THEMIS: variants seen among roughly 807,000 people sequenced by gnomAD.
THEMIS encodes the protein protein THEMIS.
A neutral mutation model predicts 52.6 loss-of-function variants in THEMIS; 37 were observed. That is an observed-to-expected ratio of 0.70 (90% CI 0.54 to 0.93). The LOEUF (loss-of-function observed/expected upper bound fraction) is 0.93, where lower values mean the gene tolerates loss of function less well. Ranked by LOEUF, THEMIS falls within the 40% of genes least tolerant of loss-of-function variation. The probability of loss-of-function intolerance (pLI) is 0.00; values close to 1 mark genes in which losing one functional copy is unlikely to be tolerated. For missense variants in THEMIS, 808 were observed against 763.1 expected, an observed-to-expected ratio of 1.06 and a Z score of -0.69; for synonymous variants, 292 against 272.7, an observed-to-expected ratio of 1.07 and a Z score of -0.70.
chr6:127,817,053 A>G (rs1778159517), intron 3 of THEMIS, among the ~76,000 whole-genome samples: 1 of 152,064 alleles, frequency 6.6e-6, no homozygotes, highest in Non-Finnish European at 1.5e-5. Flanking sequence ...CTATTTCTCT[A>G]TTTCATGTCA....
chr6:127,703,035 G>GGTTTTTTTTTTTTTTTTTTTTTT, the THEMIS span, among the ~76,000 whole-genome samples: 17 of 82,384 alleles, frequency 2.1e-4, 3 homozygotes, highest in Non-Finnish European at 2.9e-4. Context: ...TTTAGAATGA[G>GGTTTTTTTTTTTTTTTTTTTTTT]TTTTTTTTTT....
chr6:127,764,164 A>G (rs1776115771), intron 4 of THEMIS, among the ~76,000 whole-genome samples: 1 of 151,980 alleles, frequency 6.6e-6, no homozygotes, highest in African/African-American at 2.4e-5. Flanking sequence ...TTTACTAGGT[A>G]CCTGGCATTG....
chr6:127,865,988 A>G (rs1295129579), intron 1 of THEMIS, among the ~76,000 whole-genome samples: 1 of 152,116 alleles, frequency 6.6e-6, no homozygotes, highest in Non-Finnish European at 1.5e-5. Flanking sequence ...AAGGTTAATC[A>G]TTTGTAACAG....
intron 1 of THEMIS, among the ~76,000 whole-genome samples, chr6:127,897,543 G>A (rs1193332198): frequency 2.0e-5 from 3 of 151,238 alleles, no homozygotes; most frequent in Admixed American, 6.6e-5. Flanking sequence ...ATATGAAAAG[G>A]TGCTCAATCT....
intron 4 of THEMIS, among the ~76,000 whole-genome samples, chr6:127,785,262 T>TCTATCTATCTATCTATCATCTATCTAC (rs58702039): frequency 2.0e-5 from 3 of 146,868 alleles, no homozygotes; most frequent in South Asian, 2.1e-4. Flanking sequence ...CATCTATCTA[T>TCTATCTATCTATCTATCATCTATCTAC]TTATCACCTA....
intron 4 of THEMIS, among the ~76,000 whole-genome samples, chr6:127,761,517 CA>C (rs1225521437): frequency 6.6e-6 from 1 of 152,052 alleles, no homozygotes; most frequent in African/African-American, 2.4e-5. Context: ...AAATCATACC[CA>C]GGGGTGGAGA....
intron 3 of THEMIS, among the ~76,000 whole-genome samples, chr6:127,827,920 C>T (rs1778562844): frequency 6.6e-6 from 1 of 152,158 alleles, no homozygotes; most frequent in African/African-American, 2.4e-5. Context: ...TGATTCCACT[C>T]CCCATTGCAT....
chr6:127,726,978 G>A (rs1183758118), intron 4 of THEMIS, among the ~76,000 whole-genome samples: 1 of 152,140 alleles, frequency 6.6e-6, no homozygotes, highest in Non-Finnish European at 1.5e-5. Context: ...TGCATTTTAA[G>A]GAGATAAAAA....
chr6:127,817,534 C>A (rs1415999445), intron 3 of THEMIS, among the ~76,000 whole-genome samples: 1 of 151,918 alleles, frequency 6.6e-6, no homozygotes, highest in Admixed American at 6.6e-5. Flanking sequence ...ATATTTTCAT[C>A]CAAGTTTTTT....
At chr6:127,899,105 C>T (rs2114498816) in intron 1 of THEMIS, among the ~76,000 whole-genome samples, 1 of 151,750 alleles carries the variant, frequency 6.6e-6, no homozygotes, top group Non-Finnish European at 1.5e-5. Flanking sequence ...TTCAAAACAA[C>T]TAGAGTAGTG....
At chr6:127,769,351 T>TG (rs1257479728) in intron 4 of THEMIS, among the ~76,000 whole-genome samples, 1 of 146,862 alleles carries the variant, frequency 6.8e-6, no homozygotes, top group Non-Finnish European at 1.5e-5. Flanking sequence ...AGTTTTTTTT[T>TG]GTTTTTTTTT....
At chr6:127,761,926 C>T (rs139339667) in intron 4 of THEMIS, among the ~76,000 whole-genome samples, 93 of 152,170 alleles carry the variant, frequency 6.1e-4, no homozygotes, top group African/African-American at 2.1e-3. Context: ...GAACTGAAAT[C>T]GGTATCTCAA....
intron 5 of THEMIS, among the ~76,000 whole-genome samples, chr6:127,712,588 T>C (rs892202386): frequency 2.6e-5 from 4 of 151,958 alleles, no homozygotes; most frequent in Non-Finnish European, 5.9e-5. Flanking sequence ...GAAATGGATA[T>C]TCACTGAACC....
chr6:127,855,974 A>G (rs1426483016), intron 1 of THEMIS, among the ~76,000 whole-genome samples: 1 of 151,984 alleles, frequency 6.6e-6, no homozygotes, highest in Non-Finnish European at 1.5e-5. Flanking sequence ...CCCCCAGTGA[A>G]AAGGAAACAA....
chr6:127,721,461 C>T (rs1217525442), intron 4 of THEMIS, among the ~76,000 whole-genome samples: 1 of 152,018 alleles, frequency 6.6e-6, no homozygotes, highest in African/African-American at 2.4e-5. Context: ...CAATTTCTTA[C>T]ATTGCTTATG....
chr6:127,917,300 A>T (rs1460812245), intron 1 of THEMIS, among the ~76,000 whole-genome samples: 2 of 152,242 alleles, frequency 1.3e-5, no homozygotes, highest in Non-Finnish European at 2.9e-5. Context: ...GGCAGGCAAT[A>T]GATGCTTCTA....
In THEMIS at chr6:127,813,774, T is replaced by A; in HGVS notation, c.867A>T (p.Glu289Asp). 1 of 1,614,032 alleles carries A rather than the reference T, an allele frequency of 6.2e-7. No individual in the cohort carries two copies. Among genetic ancestry groups the A allele is most frequent in the Non-Finnish European group, 8.5e-7 (1 of 1,179,992 alleles). Residue 289 changes from glutamate (E) to aspartate (D), a missense_variant, in exon 4 of 6, where the codon GAA (glutamate) becomes GAT (aspartate). By Grantham distance (45) the Glu-to-Asp change is conservative (BLOSUM62 2). Coordinates refer to ENST00000368248, the MANE Select transcript of THEMIS (RefSeq NM_001010923.3). Reference protein sequence around the residue: ...KEFPIVTEVIEAPEGNHLPQS... With the variant: ...KEFPIVTEVIDAPEGNHLPQS... ...GGGGCAGGTGGTTTCCTTCAGGTGC[T>A]TCTATGACTTCAGTCACTATGGGGA...
At chr6:127,869,946 C>A (rs529786452) in intron 1 of THEMIS, among the ~76,000 whole-genome samples, 1 of 152,162 alleles carries the variant, frequency 6.6e-6, no homozygotes, top group Non-Finnish European at 1.5e-5. Flanking sequence ...ACTTAGGCCT[C>A]GCTCTTTGCC....
intron 2 of THEMIS, among the ~76,000 whole-genome samples, chr6:127,844,996 A>T (rs1779167340): frequency 6.6e-6 from 1 of 151,782 alleles, no homozygotes; most frequent in Non-Finnish European, 1.5e-5. Flanking sequence ...AAATATTAAT[A>T]TAGGATGAAA....
Sources: gnomAD v4.1 joint callset for allele counts (sites outside exome capture counted in the v4.1 genomes callset) on GRCh38, gnomAD v4.1.1 for gene constraint, MANE v1.5 for transcripts, NCBI Gene and HGNC (gene_info 2026-07-23, HGNC 2026-07-21) for gene names.